The following CEP85L variants were observed in gnomAD, a reference collection of about 807,000 sequenced individuals.
CEP85L encodes centrosomal protein 85L.
Under a neutral mutation model 100.3 loss-of-function variants are expected in CEP85L, and 60 were observed. The observed-to-expected ratio is 0.60, with a 90% CI of 0.49 to 0.74. CEP85L has a LOEUF of 0.74. Among genes scored for constraint, CEP85L ranks in the 30% least tolerant of loss-of-function variants. CEP85L has a pLI of 0.00. For missense variants in CEP85L, 973 were observed against 936.2 expected (o/e 1.04, Z -0.51); for synonymous variants, 319 against 322.7 (o/e 0.99, Z 0.12).
At chr6:118,629,350 A>G (rs929615333) in intron 2 of CEP85L, among the ~76,000 whole-genome samples, 20 of 152,218 alleles carry the variant, frequency 1.3e-4, no homozygotes, top group Non-Finnish European at 2.8e-4. Context: ...CTAACAACCC[A>G]ATTAAGAAAT....
chr6:118,686,269 C>A (rs1035255182), intron 1 of CEP85L, among the ~76,000 whole-genome samples: 8 of 151,876 alleles, frequency 5.3e-5, no homozygotes, highest in African/African-American at 1.9e-4. Context: ...TTTAATTGTA[C>A]AGTTCAATGA....
In CEP85L at chr6:118,651,186, C is replaced by G; in HGVS notation, c.73+11G>C. 1 of 1,495,370 alleles carries G rather than the reference C, an allele frequency of 6.7e-7. No individual in the cohort carries two copies. Among genetic ancestry groups the G allele is most frequent in the Non-Finnish European group, 8.9e-7 (1 of 1,129,288 alleles). 92.6% of individuals were successfully genotyped at this position (1,495,370 alleles called of 1,614,324 possible). ...CCCCCACCCCAGCCGGGGCGCTGTCCCGTTCCTTACCGGCAGGGAAGCTGC... is the reference window on the plus strand; with the variant it reads ...CCCCCACCCCAGCCGGGGCGCTGTCGCGTTCCTTACCGGCAGGGAAGCTGC... On this transcript the variant is annotated intron_variant, in intron 1 of 12. Transcript: ENST00000368491.
rs144659101 is a variant in CEP85L, at chr6:118,591,521, T to G, written c.233-25205A>C. ...CAACCAATCAGACGTCTGCATAGGG[T>G]GTAACTTTGTAACTTCACTTCAGCC... On this transcript the variant is annotated intron_variant, in intron 2 of 12. Transcript: ENST00000368491. 2.6e-3 allele frequency among the ~76,000 whole-genome samples: 395 copies of G among 152,244 alleles called. 1 individual carries two copies. The highest frequency in any genetic ancestry group is 9.1e-3 in the African/African-American group (378 of 41,544).
intron 3 of CEP85L, among the ~76,000 whole-genome samples, chr6:118,563,859 T>C (rs1255847291): frequency 6.6e-6 from 1 of 152,210 alleles, no homozygotes; most frequent in Non-Finnish European, 1.5e-5. Flanking sequence ...AACTTTTTTC[T>C]GTAGTTTTCT....
chr6:118,497,007 G>C (rs571754812), intron 5 of CEP85L, among the ~76,000 whole-genome samples: 1 of 152,234 alleles, frequency 6.6e-6, no homozygotes, highest in Non-Finnish European at 1.5e-5. Context: ...CTCCCAGCTG[G>C]TACATGGATC....
chr6:118,690,344 T>C (rs1426524677), intron 1 of CEP85L, among the ~76,000 whole-genome samples: 4 of 152,208 alleles, frequency 2.6e-5, no homozygotes, highest in Non-Finnish European at 4.4e-5. Context: ...TCAGAATGAA[T>C]ATTGGGAATA....
intron 3 of CEP85L, among the ~76,000 whole-genome samples, chr6:118,551,998 T>A (rs1778577635): frequency 6.6e-6 from 1 of 152,030 alleles, no homozygotes; most frequent in South Asian, 2.1e-4. Context: ...AGTGGAAATG[T>A]CAGAAAGTAG....
chr6:118,632,154 T>A (rs905673274), intron 2 of CEP85L, among the ~76,000 whole-genome samples: 15 of 152,180 alleles, frequency 9.9e-5, no homozygotes, highest in African/African-American at 3.4e-4. Context: ...CACGTCCAGC[T>A]AATTTTTTGT....
At chr6:118,592,870 G>C (rs970610481) in intron 2 of CEP85L, among the ~76,000 whole-genome samples, 2 of 152,142 alleles carry the variant, frequency 1.3e-5, no homozygotes, top group African/African-American at 4.8e-5. Flanking sequence ...GCTGAAATAA[G>C]ATTGTCATGT....
chr6:118,611,589 G>A (rs560878193), intron 2 of CEP85L, among the ~76,000 whole-genome samples: 38 of 152,176 alleles, frequency 2.5e-4, no homozygotes, highest in Middle Eastern at 6.8e-3. Flanking sequence ...GAGAAACCAC[G>A]TCCCAACTAT....
chr6:118,704,711 T>G (rs1347247097), intron 1 of CEP85L, among the ~76,000 whole-genome samples: 1 of 152,098 alleles, frequency 6.6e-6, no homozygotes, highest in Non-Finnish European at 1.5e-5. Flanking sequence ...CTTCAAGTGA[T>G]CCTCCTGCCT....
chr6:118,660,000 A>G (rs1178181570), intron 1 of CEP85L, among the ~76,000 whole-genome samples: 2 of 152,210 alleles, frequency 1.3e-5, no homozygotes, highest in African/African-American at 4.8e-5. Context: ...CCACATACCA[A>G]CTTTTAGAAC....
chr6:118,612,647 T>C (rs1249820122), intron 2 of CEP85L, among the ~76,000 whole-genome samples: 2 of 86,410 alleles, frequency 2.3e-5, no homozygotes, highest in Admixed American at 1.9e-4. Context: ...GGCGACAGAG[T>C]GAGACTCTGT....
chr6:118,560,577 G>A (rs904671937), intron 3 of CEP85L: 2 of 166,940 alleles, frequency 1.2e-5, no homozygotes, highest in Non-Finnish European at 2.9e-5. Context: ...TGCAATTCAA[G>A]CCCTTGTTGT....
At chr6:118,702,142 T>C (rs976397261) in intron 1 of CEP85L, among the ~76,000 whole-genome samples, 3 of 146,312 alleles carry the variant, frequency 2.1e-5, no homozygotes, top group Non-Finnish European at 4.5e-5. Context: ...AATTCTATTC[T>C]TTTTTTTTTT....
chr6:118,681,869 T>A (rs189029280), intron 1 of CEP85L, among the ~76,000 whole-genome samples: 1 of 151,704 alleles, frequency 6.6e-6, no homozygotes, highest in Non-Finnish European at 1.5e-5. Context: ...GCCTCCCGAG[T>A]AGCTGGAATT....
At chr6:118,512,652 T>C (rs1156344308) in intron 4 of CEP85L, among the ~76,000 whole-genome samples, 1 of 151,806 alleles carries the variant, frequency 6.6e-6, no homozygotes, top group Non-Finnish European at 1.5e-5. Context: ...CCAAAAAAAA[T>C]CAACAGTGCT....
chr6:118,646,837 A>G (rs1226089587), intron 1 of CEP85L: 8 of 647,820 alleles, frequency 1.2e-5, no homozygotes, highest in Non-Finnish European at 1.5e-5. Context: ...CTGAAAAATC[A>G]TGACTCTCTC....
At position 118,689,918 on chromosome 6, in the gene CEP85L, T is replaced by C. The variant is rs539007238; in HGVS notation, c.-28+20118A>G. ...TTTTACATGCTAATCCCTGCCTGCT[T>C]TTTTTTTTTTTTTTTAATAGGGCTA... On this transcript the variant is annotated intron_variant, in intron 1 of 13. Transcript: ENST00000368488. Among the ~76,000 whole-genome samples the C allele has an allele frequency of 2.2e-3, 262 of 121,388 alleles. 1 individual carries two copies. Among genetic ancestry groups the C allele is most frequent in the African/African-American group, 0.01 (250 of 24,268 alleles). 79.6% of individuals were successfully genotyped at this position (121,388 alleles called of 152,430 possible).
Sources: gnomAD v4.1 joint callset for allele counts (sites outside exome capture counted in the v4.1 genomes callset) on GRCh38, gnomAD v4.1.1 for gene constraint, MANE v1.5 for transcripts, NCBI Gene and HGNC (gene_info 2026-07-23, HGNC 2026-07-21) for gene names.